RUNX3: variants seen among roughly 807,000 people sequenced by gnomAD.
The protein encoded by RUNX3 is runt-related transcription factor 3.
In RUNX3, 10 loss-of-function variants were observed where a neutral mutation model predicts 27.7. The ratio of observed to expected loss-of-function variants is 0.36; its 90% confidence interval spans 0.22 to 0.61. The LOEUF (loss-of-function observed/expected upper bound fraction) is 0.61, where lower values mean the gene tolerates loss of function less well. Among genes scored for constraint, RUNX3 ranks in the 20% least tolerant of loss-of-function variants. The probability of loss-of-function intolerance (pLI) is 0.72; values close to 1 mark genes in which losing one functional copy is unlikely to be tolerated. For synonymous variants in RUNX3, 270 were observed against 269.2 expected, an observed-to-expected ratio of 1.00 and a Z score of -0.03; for missense variants, 469 against 629.5, an observed-to-expected ratio of 0.75 and a Z score of 2.73.
Position 24,916,414 on chromosome 1 carries a change from G to C in RUNX3, c.544+2826C>G, listed in dbSNP as rs1178723886. Among the ~76,000 whole-genome samples, 1 of 152,186 alleles carries C rather than the reference G, an allele frequency of 6.6e-6. No homozygotes were observed. Among genetic ancestry groups the C allele is most frequent in the Non-Finnish European group, 1.5e-5 (1 of 68,022 alleles). On this transcript the variant is annotated intron_variant, in intron 3 of 4. Transcript: ENST00000308873. This position sits in a 1 kb window ranked among gnomAD's most constrained non-coding sequence, Gnocchi z 4.8. ...GCAGCCCCCGGGTCGGAGCCCCCAG[G>C]GTGTGCTGACAGTCACCTTGGGCAA...
chr1:24,947,378 T>G (rs1348692677), intron 2 of RUNX3, among the ~76,000 whole-genome samples: 1 of 152,160 alleles, frequency 6.6e-6, no homozygotes. Context: ...CCTCTCCGTC[T>G]GTGAAATGGG....
chr1:24,926,122 T>C (rs760327085), intron 2 of RUNX3, among the ~76,000 whole-genome samples: 1 of 152,210 alleles, frequency 6.6e-6, no homozygotes, highest in Non-Finnish European at 1.5e-5. Flanking sequence ...AGGCAGCAGC[T>C]ATAGTGCTCC....
At position 24,901,108 on chromosome 1, in the gene RUNX3, G is replaced by A. The variant is rs574632574; in HGVS notation, c.*1014C>T. The A allele has an allele frequency of 1.4e-5, 2 of 144,154 alleles. No individual in the cohort carries two copies. Among genetic ancestry groups the A allele is most frequent in the East Asian group, 4.0e-4 (2 of 5,046 alleles). The allele number at this position is 144,154 out of a possible 1,614,324, so 8.9% of individuals were successfully genotyped here. On this transcript the variant is annotated 3_prime_UTR_variant, in exon 5 of 5. Coordinates refer to ENST00000308873, the MANE Select transcript of RUNX3 (RefSeq NM_004350.3). Reference sequence around the variant, plus strand: ...ACAGGTTACAGACAGGTGTGTGCCAGGAGTCGCAAGATTTGGCTGGATCCT... The same window carrying A: ...ACAGGTTACAGACAGGTGTGTGCCAAGAGTCGCAAGATTTGGCTGGATCCT...
exon 1 of RUNX3, chr1:24,964,939 G>T: frequency 3.1e-6 from 1 of 319,430 alleles, no homozygotes; most frequent in Non-Finnish European, 6.1e-6. Flanking sequence ...GCTTTCGGCA[G>T]CCAGGGTGGA....
intron 3 of RUNX3, among the ~76,000 whole-genome samples, chr1:24,908,937 G>A (rs1350780229): frequency 6.6e-6 from 1 of 152,222 alleles, no homozygotes; most frequent in Non-Finnish European, 1.5e-5. Flanking sequence ...GCTGGGCAGA[G>A]GTGTAGGGGG....
At chr1:24,930,282 C>A (rs1289789141), upstream of RUNX3, 1 of 978,240 alleles carries the variant, frequency 1.0e-6, no homozygotes, top group Admixed American at 6.2e-5. The surrounding 1 kb of genome is among the most constrained non-coding windows in gnomAD (Gnocchi z 4.1). Flanking sequence ...GTGGCGGGGC[C>A]GCGGCCGCCC....
intron 2 of RUNX3, among the ~76,000 whole-genome samples, chr1:24,940,738 A>C (rs1239015797): frequency 6.6e-6 from 1 of 151,820 alleles, no homozygotes; most frequent in Non-Finnish European, 1.5e-5. Context: ...CTACCAAAAA[A>C]AAAAAAAAAA....
In RUNX3 at chr1:24,904,236, C is replaced by T. The variant is rs932849666; in HGVS notation, c.704-1570G>A. ...TGCCACGCCGAGGCTTGGCTGAGGA[C>T]GGAGAGCTATGAGCCTGAGGTGTGT... On this transcript the variant is annotated intron_variant, in intron 4 of 4. Transcript: ENST00000308873. The surrounding 1 kb of genome is among the most constrained non-coding windows in gnomAD (Gnocchi z 5.7). 4.6e-5 allele frequency among the ~76,000 whole-genome samples: 7 copies of T among 152,264 alleles called. No homozygotes were observed. The highest frequency in any genetic ancestry group is 1.3e-4 in the Admixed American group (2 of 15,300).
In RUNX3 at chr1:24,964,649, A is replaced by AC. The variant is rs551767928; in HGVS notation, c.-79_-78insG. 1.2e-5 allele frequency: 18 copies of AC among 1,499,602 alleles called. No individual in the cohort carries two copies. In the East Asian group the frequency reaches 4.1e-4, roughly 35 times the overall value. 92.9% of individuals were successfully genotyped at this position (1,499,602 alleles called of 1,614,324 possible). A position where few individuals can be genotyped will look rare whatever the true frequency, so the allele number is the denominator to read the frequency against. ...GATTCACTTGGTTGGCTGTTGTTTTATTTTTTTTTCCTCTAGCTACTTTTG... is the reference window on the plus strand; with the variant it reads ...GATTCACTTGGTTGGCTGTTGTTTTACTTTTTTTTTCCTCTAGCTACTTTTG... On this transcript the variant is annotated 5_prime_UTR_variant, in exon 2 of 7. Coordinates refer to the RUNX3 transcript ENST00000338888.
chr1:24,938,015 C>T (rs980802386), intron 2 of RUNX3, among the ~76,000 whole-genome samples: 18 of 152,254 alleles, frequency 1.2e-4, no homozygotes, highest in Admixed American at 9.2e-4. Flanking sequence ...GCCACCCTCA[C>T]TGGTTGGGAA....
In RUNX3 at chr1:24,902,200, G is replaced by T. The variant is rs573562275; in HGVS notation, c.1170C>A (p.Ala390=). The T allele has an allele frequency of 5.7e-5, 89 of 1,569,546 alleles. No homozygotes were observed. The highest frequency in any genetic ancestry group is 7.2e-5 in the Non-Finnish European group (83 of 1,159,378). ...SLGGQSDGVE[A]DGSHSNSPTA... ...TGGGTGAGTTGCTGTGGCTGCCGTC[G>T]GCCTCCACGCCATCACTCTGGCCGC... The change falls in exon 5 of 5, where the codon GCC becomes GCA. Residue 390 remains alanine (A), a synonymous_variant. Coordinates refer to ENST00000308873, the MANE Select transcript of RUNX3 (RefSeq NM_004350.3). The surrounding 1 kb of genome is among the most constrained non-coding windows in gnomAD (Gnocchi z 9.2).
chr1:24,941,701 G>A (rs1326110076), intron 2 of RUNX3, among the ~76,000 whole-genome samples: 1 of 152,160 alleles, frequency 6.6e-6, no homozygotes, highest in African/African-American at 2.4e-5. Flanking sequence ...GCCAGCAGGG[G>A]GGTTGGCTGG....
intron 2 of RUNX3, among the ~76,000 whole-genome samples, chr1:24,926,153 A>T (rs1473447233): frequency 6.6e-6 from 1 of 152,196 alleles, no homozygotes; most frequent in East Asian, 1.9e-4. Context: ...CTGGGCTAGC[A>T]GACCTGGCCA....
At chr1:24,924,701 CT>C (rs1318300645) in intron 2 of RUNX3, among the ~76,000 whole-genome samples, 3 of 152,152 alleles carry the variant, frequency 2.0e-5, no homozygotes, top group Admixed American at 6.6e-5. Flanking sequence ...ATTACTTTCC[CT>C]TTTTTTCTCC....
chr1:24,931,910 C>T (rs1641238512), upstream of RUNX3, among the ~76,000 whole-genome samples: 1 of 152,240 alleles, frequency 6.6e-6, no homozygotes, highest in African/African-American at 2.4e-5. Flanking sequence ...GGACCCAGGC[C>T]CGCGCGCCCT....
At chr1:24,911,481 C>T (rs566840898) in intron 3 of RUNX3, among the ~76,000 whole-genome samples, 2 of 152,348 alleles carry the variant, frequency 1.3e-5, no homozygotes, top group East Asian at 1.9e-4. Context: ...CCCCGAGCTG[C>T]GGTGTCCCCA....
Position 24,901,115 on chromosome 1 carries a change from C to A in RUNX3, c.*1007G>T, listed in dbSNP as rs1268136634. On this transcript the variant is annotated 3_prime_UTR_variant, in exon 5 of 5. Transcript: ENST00000308873. ...ACAGACAGGTGTGTGCCAGGAGTCG[C>A]AAGATTTGGCTGGATCCTCCCAGGA... 4 of 145,824 alleles carry A rather than the reference C, an allele frequency of 2.7e-5. No individual in the cohort carries two copies. Among genetic ancestry groups the A allele is most frequent in the African/African-American group, 1.0e-4 (4 of 38,458 alleles). 9.0% of individuals were successfully genotyped at this position (145,824 alleles called of 1,614,324 possible).
At position 24,943,600 on chromosome 1, in the gene RUNX3, C is replaced by T. The variant is rs1010917363; in HGVS notation, c.59-13748G>A. Among the ~76,000 whole-genome samples the T allele has an allele frequency of 6.6e-6, 1 of 152,290 alleles. No individual in the cohort carries two copies. Among genetic ancestry groups the T allele is most frequent in the Non-Finnish European group, 1.5e-5 (1 of 68,014 alleles). On this transcript the variant is annotated intron_variant, in intron 2 of 6. Coordinates refer to the RUNX3 transcript ENST00000338888. This position sits in a 1 kb window ranked among gnomAD's most constrained non-coding sequence, Gnocchi z 4.6. ...AGAGCCCTGGAACAGTTGGCCAGTGCGGAGAGGACCCCCGAAGATCTCTGA... is the reference window on the plus strand; with the variant it reads ...AGAGCCCTGGAACAGTTGGCCAGTGTGGAGAGGACCCCCGAAGATCTCTGA...
intron 3 of RUNX3, among the ~76,000 whole-genome samples, chr1:24,910,999 G>A (rs1557838562): frequency 1.3e-5 from 2 of 152,234 alleles, no homozygotes; most frequent in Non-Finnish European, 2.9e-5. Context: ...CTACCCTGAG[G>A]AGGGCAGGCC....
Sources: allele counts gnomAD v4.1 joint callset (sites outside exome capture counted in the v4.1 genomes callset), GRCh38; gene constraint gnomAD v4.1.1; non-coding constraint Gnocchi (gnomAD v3.1); transcripts MANE v1.5; gene names NCBI Gene and HGNC (gene_info 2026-07-23, HGNC 2026-07-21).